Variants in SLC4A10 observed in about 807,000 individuals in gnomAD.
The protein encoded by SLC4A10 is solute carrier family 4 member 10, also known as sodium-driven chloride bicarbonate exchanger.
Under a neutral mutation model 137.7 loss-of-function variants are expected in SLC4A10, and 42 were observed. The ratio of observed to expected loss-of-function variants is 0.30; its 90% CI spans 0.24 to 0.39. SLC4A10 has a LOEUF of 0.39. Ranked by LOEUF, SLC4A10 falls within the 10% of genes least tolerant of loss-of-function variation. The pLI is 1.00. For synonymous variants in SLC4A10, 474 were observed against 464.1 expected, an observed-to-expected ratio of 1.02 and a Z score of -0.27; for missense variants, 925 against 1,355.0, an observed-to-expected ratio of 0.68 and a Z score of 4.98.
At chr2:161,805,518 T>C (rs144727432) in intron 3 of SLC4A10, among the ~76,000 whole-genome samples, 1 of 152,306 alleles carries the variant, frequency 6.6e-6, no homozygotes, top group Non-Finnish European at 1.5e-5. Context: ...AGTTACTTCC[T>C]AGATACAACT....
intron 1 of SLC4A10, among the ~76,000 whole-genome samples, chr2:161,697,748 C>T (rs1391582261): frequency 6.6e-6 from 1 of 152,140 alleles, no homozygotes; most frequent in African/African-American, 2.4e-5. Flanking sequence ...ATGATGCCTC[C>T]AGCTTTGTTC....
chr2:161,750,903 G>A (rs992401701), intron 1 of SLC4A10, among the ~76,000 whole-genome samples: 29 of 151,548 alleles, frequency 1.9e-4, no homozygotes, highest in Admixed American at 1.1e-3. Context: ...CTGACAGTGG[G>A]TCTATATATA....
chr2:161,838,699 T>C (rs773103308), intron 3 of SLC4A10, among the ~76,000 whole-genome samples: 2 of 152,148 alleles, frequency 1.3e-5, no homozygotes, highest in Non-Finnish European at 2.9e-5. Flanking sequence ...AGAATAAATA[T>C]GGATGTCAAA....
At chr2:161,626,625 C>T (rs1304615851) in intron 1 of SLC4A10, among the ~76,000 whole-genome samples, 6 of 152,096 alleles carry the variant, frequency 3.9e-5, no homozygotes, top group Admixed American at 1.3e-4. Flanking sequence ...TTTATGAAAA[C>T]CTTTTTTGTT....
intron 11 of SLC4A10, among the ~76,000 whole-genome samples, chr2:161,895,966 T>C (rs1342214984): frequency 6.6e-4 from 100 of 151,090 alleles, no homozygotes; most frequent in African/African-American, 2.2e-3. Flanking sequence ...GCTTTTGGTG[T>C]TTTAGACATG....
intron 15 of SLC4A10, among the ~76,000 whole-genome samples, chr2:161,942,451 C>T (rs189917188): frequency 6.6e-6 from 1 of 151,760 alleles, no homozygotes; most frequent in African/African-American, 2.4e-5. Flanking sequence ...AATTAAATAC[C>T]CCTTTAATTT....
chr2:161,931,700 A>G (rs759114339), intron 15 of SLC4A10, among the ~76,000 whole-genome samples: 1 of 152,136 alleles, frequency 6.6e-6, no homozygotes, highest in South Asian at 2.1e-4. Flanking sequence ...AGAACTTACA[A>G]TTTGCTCTGG....
At chr2:161,812,675 A>G (rs989551069) in intron 3 of SLC4A10, among the ~76,000 whole-genome samples, 11 of 152,040 alleles carry the variant, frequency 7.2e-5, no homozygotes, top group African/African-American at 2.7e-4. Flanking sequence ...AGCTGCATTC[A>G]TGTTACTGCA....
intron 4 of SLC4A10, among the ~76,000 whole-genome samples, chr2:161,846,879 G>T (rs1277199130): frequency 6.6e-6 from 1 of 152,038 alleles, no homozygotes; most frequent in East Asian, 1.9e-4. Context: ...TGTGGTGATG[G>T]AACAGCTTCG....
intron 3 of SLC4A10, among the ~76,000 whole-genome samples, chr2:161,820,415 C>T (rs2057515466): frequency 6.6e-6 from 1 of 152,186 alleles, no homozygotes; most frequent in African/African-American, 2.4e-5. Context: ...CTGTGTAATA[C>T]CACCTTGGCT....
chr2:161,680,257 T>C (rs2040711632), intron 1 of SLC4A10, among the ~76,000 whole-genome samples: 1 of 152,174 alleles, frequency 6.6e-6, no homozygotes. Context: ...AAGGTTGCTG[T>C]CATTCATACT....
At chr2:161,759,386 A>G (rs2050009209) in intron 1 of SLC4A10, among the ~76,000 whole-genome samples, 2 of 151,988 alleles carry the variant, frequency 1.3e-5, no homozygotes, top group African/African-American at 4.8e-5. Context: ...ACAATACAAT[A>G]TTATTAACTA....
chr2:161,776,120 A>G (rs530862280), intron 2 of SLC4A10, among the ~76,000 whole-genome samples: 4 of 151,998 alleles, frequency 2.6e-5, no homozygotes, highest in South Asian at 2.1e-4. Context: ...AAATAGTCCA[A>G]TCACCCTCTA....
intron 2 of SLC4A10, among the ~76,000 whole-genome samples, chr2:161,784,295 T>C (rs1031142486): frequency 1.3e-5 from 2 of 151,824 alleles, no homozygotes; most frequent in African/African-American, 4.8e-5. Flanking sequence ...TAGTAGGATA[T>C]TTCAATACCT....
At chr2:161,847,321 A>C (rs1227923) in intron 4 of SLC4A10, among the ~76,000 whole-genome samples, 106,270 of 151,618 alleles carry the variant, frequency 0.7, 37,585 homozygotes, top group East Asian at 0.98. Context: ...ACAGAGCCCA[A>C]ATCTTATCAG....
intron 1 of SLC4A10, among the ~76,000 whole-genome samples, chr2:161,706,960 T>A (rs1221990146): frequency 1.3e-5 from 2 of 151,602 alleles, no homozygotes; most frequent in Non-Finnish European, 3.0e-5. Context: ...TTGTTTGTTA[T>A]GGAGTCCCTA....
At chr2:161,888,430 G>GA (rs1346648026) in intron 10 of SLC4A10, among the ~76,000 whole-genome samples, 1 of 152,178 alleles carries the variant, frequency 6.6e-6, no homozygotes, top group Non-Finnish European at 1.5e-5. Context: ...CATGAGCATG[G>GA]AATGTTTTTC....
intron 15 of SLC4A10, among the ~76,000 whole-genome samples, chr2:161,929,801 C>A (rs1181072240): frequency 6.6e-6 from 1 of 152,084 alleles, no homozygotes; most frequent in East Asian, 1.9e-4. Flanking sequence ...TGAACCTGAG[C>A]CTTAAGAGAT....
At chr2:161,832,249 T>C (rs1157687925) in intron 3 of SLC4A10, among the ~76,000 whole-genome samples, 1 of 152,212 alleles carries the variant, frequency 6.6e-6, no homozygotes, top group Non-Finnish European at 1.5e-5. Context: ...TAGGTACTAC[T>C]ATTCTGTGCA....
Sources: gnomAD v4.1 joint callset for allele counts (sites outside exome capture counted in the v4.1 genomes callset) on GRCh38, gnomAD v4.1.1 for gene constraint, MANE v1.5 for transcripts, NCBI Gene and HGNC (gene_info 2026-07-23, HGNC 2026-07-21) for gene names.